ARHGAP42: variants seen among roughly 807,000 people sequenced by gnomAD.
ARHGAP42 encodes rho GTPase-activating protein 42.
ARHGAP42 carries 63 observed loss-of-function variants against 125.0 expected under a neutral mutation model. That is an observed-to-expected ratio of 0.50 (90% CI 0.41 to 0.62). The LOEUF is 0.62. ARHGAP42 is among the 20% of genes least tolerant of loss of function. The probability of loss-of-function intolerance (pLI) is 0.00; values close to 1 mark genes in which losing one functional copy is unlikely to be tolerated. For missense variants in ARHGAP42, 766 were observed against 1,024.2 expected (o/e 0.75, Z 3.44); for synonymous variants, 339 against 351.0 (o/e 0.97, Z 0.38).
At chr11:100,836,914 T>C (rs921772709) in intron 3 of ARHGAP42, among the ~76,000 whole-genome samples, 3 of 152,060 alleles carry the variant, frequency 2.0e-5, no homozygotes, top group Non-Finnish European at 2.9e-5. Context: ...AGGTAAATCA[T>C]GTCATGAATA....
intron 4 of ARHGAP42, among the ~76,000 whole-genome samples, chr11:100,906,904 A>G (rs543339171): frequency 6.6e-6 from 1 of 152,304 alleles, no homozygotes; most frequent in South Asian, 2.1e-4. Flanking sequence ...GTACCCTCTA[A>G]CAAATACCCC....
chr11:100,882,193 A>G (rs889349942), intron 4 of ARHGAP42, among the ~76,000 whole-genome samples: 3 of 152,142 alleles, frequency 2.0e-5, no homozygotes, highest in Non-Finnish European at 2.9e-5. Flanking sequence ...AATGCTTTCA[A>G]CTTTTCTCCT....
intron 3 of ARHGAP42, among the ~76,000 whole-genome samples, chr11:100,803,785 AT>A (rs540888223): frequency 1.3e-5 from 2 of 151,898 alleles, no homozygotes; most frequent in African/African-American, 4.8e-5. Context: ...AGCAATGTAG[AT>A]TTTTTTTCTT....
At chr11:100,877,954 G>A (rs551108858) in intron 4 of ARHGAP42, among the ~76,000 whole-genome samples, 41 of 143,650 alleles carry the variant, frequency 2.9e-4, no homozygotes, top group Middle Eastern at 4.1e-3. Context: ...GCAGTGAGCC[G>A]AGATCATACC....
At chr11:100,923,133 G>A (rs1013172835) in intron 6 of ARHGAP42, among the ~76,000 whole-genome samples, 2 of 152,122 alleles carry the variant, frequency 1.3e-5, no homozygotes, top group African/African-American at 4.8e-5. Context: ...CTAGGAAGAT[G>A]ACCACTACTT....
intron 1 of ARHGAP42, among the ~76,000 whole-genome samples, chr11:100,759,933 C>T (rs1018291614): frequency 1.3e-5 from 2 of 152,116 alleles, no homozygotes; most frequent in Admixed American, 1.3e-4. Flanking sequence ...CATAAGGCAC[C>T]CAACATATGG....
chr11:100,988,518 G>A (rs1858746900), intron 23 of ARHGAP42, among the ~76,000 whole-genome samples, 195 bp from the exon 24 acceptor site: 1 of 152,252 alleles, frequency 6.6e-6, no homozygotes, highest in African/African-American at 2.4e-5. Context: ...TGTCCCTAGG[G>A]TATATGCAAA....
At chr11:100,690,067 T>C (rs576878561) in intron 1 of ARHGAP42, among the ~76,000 whole-genome samples, 5 of 152,282 alleles carry the variant, frequency 3.3e-5, no homozygotes, top group African/African-American at 9.6e-5. Flanking sequence ...GCTTGTACCA[T>C]GGGGCTGACC....
At chr11:100,986,650 G>A (rs1687818769) in intron 22 of ARHGAP42, among the ~76,000 whole-genome samples, 1 of 152,108 alleles carries the variant, frequency 6.6e-6, no homozygotes, top group African/African-American at 2.4e-5. Context: ...CTATTGTCTT[G>A]GACTCTGGTT....
At chr11:100,985,985 A>G (rs1858668933) in intron 22 of ARHGAP42, 1 of 455,176 alleles carries the variant, frequency 2.2e-6, no homozygotes, top group Non-Finnish European at 4.4e-6. Flanking sequence ...CCCAAGGAGG[A>G]TAGATAAGGT....
intron 9 of ARHGAP42, among the ~76,000 whole-genome samples, chr11:100,943,515 G>T (rs1867936467): frequency 6.6e-6 from 1 of 152,038 alleles, no homozygotes; most frequent in Admixed American, 6.6e-5. Flanking sequence ...TATGTTGAAG[G>T]TTACTGGACA....
At chr11:100,880,557 CGTGT>C (rs1188956570) in intron 4 of ARHGAP42, among the ~76,000 whole-genome samples, 1 of 152,090 alleles carries the variant, frequency 6.6e-6, no homozygotes, top group African/African-American at 2.4e-5. Context: ...CTACTACAAA[CGTGT>C]GTGTAAGTAT....
Position 100,844,136 on chromosome 11 carries a change from A to G in ARHGAP42, c.313-15418A>G, listed in dbSNP as rs530065569. Among the ~76,000 whole-genome samples the G allele has an allele frequency of 2.0e-5, 3 of 152,270 alleles. No homozygotes were observed. In the South Asian group the frequency reaches 6.2e-4, roughly 32 times the overall value. On this transcript the variant is annotated intron_variant, in intron 3 of 23. Coordinates refer to ENST00000298815, the MANE Select transcript of ARHGAP42 (RefSeq NM_152432.4). The stretch of plus-strand genomic sequence containing the variant: ...ATGGAACAGAAAAGAGAACCCAGAA[A>G]TAGAGCCAAATACTTACAGCCAACT...
intron 1 of ARHGAP42, among the ~76,000 whole-genome samples, chr11:100,729,574 AGTTT>A (rs529365441): frequency 1.2e-3 from 189 of 152,260 alleles, no homozygotes; most frequent in African/African-American, 4.5e-3. Flanking sequence ...CTTGCTAGTT[AGTTT>A]ATTAATCACT....
At chr11:100,834,951 T>C (rs1864750159) in intron 3 of ARHGAP42, among the ~76,000 whole-genome samples, 1 of 151,954 alleles carries the variant, frequency 6.6e-6, no homozygotes, top group African/African-American at 2.4e-5. Context: ...TTTTTAATTT[T>C]CTAAAAATTT....
chr11:100,904,976 A>G (rs1432886297), intron 4 of ARHGAP42, among the ~76,000 whole-genome samples: 1 of 152,210 alleles, frequency 6.6e-6, no homozygotes, highest in African/African-American at 2.4e-5. Context: ...CAAAATGGGT[A>G]TTTACTAAAA....
At chr11:100,760,276 G>A (rs1425458767) in intron 1 of ARHGAP42, among the ~76,000 whole-genome samples, 1 of 152,186 alleles carries the variant, frequency 6.6e-6, no homozygotes, top group Non-Finnish European at 1.5e-5. Flanking sequence ...GTTAAGTTTA[G>A]ATCGGTTTGT....
At chr11:100,784,752 C>T (rs1342308053) in intron 2 of ARHGAP42, among the ~76,000 whole-genome samples, 2 of 152,134 alleles carry the variant, frequency 1.3e-5, no homozygotes, top group East Asian at 3.9e-4. Context: ...TGGGGTTATA[C>T]CTACAGTAGT....
At chr11:100,755,770 T>C (rs1862559417) in intron 1 of ARHGAP42, among the ~76,000 whole-genome samples, 1 of 152,194 alleles carries the variant, frequency 6.6e-6, no homozygotes, top group Non-Finnish European at 1.5e-5. Context: ...AACTTATTTC[T>C]TATTTCCCCC....
Sources: allele counts gnomAD v4.1 joint callset (sites outside exome capture counted in the v4.1 genomes callset), GRCh38; gene constraint gnomAD v4.1.1; transcripts MANE v1.5; gene names NCBI Gene and HGNC (gene_info 2026-07-23, HGNC 2026-07-21).